MEIOC: variants seen among roughly 807,000 people sequenced by gnomAD.
The protein encoded by MEIOC is meiosis-specific coiled-coil domain-containing protein MEIOC.
In MEIOC, 9 loss-of-function variants were observed where a neutral mutation model predicts 85.3. The observed-to-expected ratio is 0.11, with a 90% CI of 0.06 to 0.18. The LOEUF (loss-of-function observed/expected upper bound fraction) is 0.18. Ranked by LOEUF, MEIOC falls within the 10% of genes least tolerant of loss-of-function variation. The pLI, the probability that MEIOC is intolerant of heterozygous loss-of-function variation, is 1.00. For missense variants in MEIOC, 898 were observed against 1,129.4 expected, an observed-to-expected ratio of 0.80 and a Z score of 2.94; for synonymous variants, 365 against 393.7, an observed-to-expected ratio of 0.93 and a Z score of 0.86.
In MEIOC at chr17:44,667,792, T is replaced by C; in HGVS notation, c.1881T>C (p.Asp627=). Residue 627 remains aspartate, a synonymous_variant, in exon 5 of 8, where the codon GAT becomes GAC. Transcript: ENST00000409122. Reference sequence around the variant, plus strand: ...CTGAGGAAGGTCCAAAGCATTTAGATGGCTTATCACAAAATACATACCAAG... The same window carrying C: ...CTGAGGAAGGTCCAAAGCATTTAGACGGCTTATCACAAAATACATACCAAG... The part of the protein sequence containing the change: ...YDPEEGPKHL[D]GLSQNTYQDL... The C allele has an allele frequency of 6.2e-7, 1 of 1,613,952 alleles. No homozygotes were observed. Among genetic ancestry groups the C allele is most frequent in the Non-Finnish European group, 8.5e-7 (1 of 1,179,864 alleles).
Position 44,674,987 on chromosome 17 carries a change from C to T in MEIOC, c.*791C>T, listed in dbSNP as rs1297629648. 2 of 983,002 alleles carry T rather than the reference C, an allele frequency of 2.0e-6. No individual in the cohort carries two copies. The highest frequency in any genetic ancestry group is 1.8e-5 in the African/African-American group (1 of 57,140). The allele number at this position is 983,002 out of a possible 1,614,324, so 60.9% of individuals were successfully genotyped here. On this transcript the variant is annotated 3_prime_UTR_variant, in exon 8 of 8. Transcript: ENST00000409122. Reference sequence around the variant, plus strand: ...ATTCCCTTTATCTGGATCTTTTAGACTTGATGCACAGTAACTGAAATAATG... The same window carrying T: ...ATTCCCTTTATCTGGATCTTTTAGATTTGATGCACAGTAACTGAAATAATG...
chr17:44,662,286 G>A (rs1310321392), intron 2 of MEIOC, 31 bp from the exon 3 acceptor site: 11 of 1,493,700 alleles, frequency 7.4e-6, no homozygotes, highest in South Asian at 2.6e-5. Context: ...AAGTTTTGAT[G>A]TGTCTGATAA....
In MEIOC at chr17:44,672,083, C is replaced by G. The variant is rs193226677; in HGVS notation, c.2458-1283C>G. Among the ~76,000 whole-genome samples, 20 of 152,150 alleles carry G rather than the reference C, an allele frequency of 1.3e-4. No homozygotes were observed. In the East Asian group the frequency reaches 3.7e-3, roughly 28 times the overall value. ...GCAACCTCTGCCTCGCGGGTTCAAGCGATTTTCCTGCCTCAGCCTCCTGAA... is the reference window on the plus strand; with the variant it reads ...GCAACCTCTGCCTCGCGGGTTCAAGGGATTTTCCTGCCTCAGCCTCCTGAA... On this transcript the variant is annotated intron_variant, in intron 6 of 7. Transcript: ENST00000409122.
At position 44,666,613 on chromosome 17, in the gene MEIOC, A is replaced by G; in HGVS notation, c.702A>G (p.Glu234=). 6.2e-7 allele frequency: 1 copy of G among 1,611,178 alleles called. No individual in the cohort carries two copies. The highest frequency in any genetic ancestry group is 1.1e-5 in the South Asian group (1 of 90,546). The stretch of plus-strand genomic sequence containing the variant: ...GATTTACTGGTTTAGATCTTGAAGA[A>G]CAATGGATGTACCCCTCACGAAGTG... ...HHGFTGLDLE[E]QWMYPSRSDH... The change falls in exon 5 of 8, where the codon GAA becomes GAG. Residue 234 remains glutamate, a synonymous_variant. Coordinates refer to ENST00000409122, the MANE Select transcript of MEIOC (RefSeq NM_001145080.3).
At chr17:44,663,520 T>A (rs747884705) in intron 3 of MEIOC, among the ~76,000 whole-genome samples, 21 of 152,140 alleles carry the variant, frequency 1.4e-4, no homozygotes, top group Non-Finnish European at 2.5e-4. Context: ...ACGTAATACA[T>A]AATTCTACAA....
chr17:44,670,207 G>A (rs925686185), intron 6 of MEIOC: 1 of 135,860 alleles, frequency 7.4e-6, no homozygotes, highest in African/African-American at 2.8e-5. Flanking sequence ...GGGCTACAGT[G>A]AGCCATAACC....
At position 44,667,598 on chromosome 17, in the gene MEIOC, G is replaced by A. The variant is rs754096526; in HGVS notation, c.1687G>A (p.Glu563Lys). 3.7e-6 allele frequency: 6 copies of A among 1,613,668 alleles called. No homozygotes were observed. In the East Asian group the frequency reaches 1.3e-4, roughly 36 times the overall value. ...AAGAATCCAATCTGTCAATCACATA[G>A]AAGGACTAACAAAGCCTGGAGAAGA... ...AERIQSVNHI[E>K]GLTKPGEENL... The change falls in exon 5 of 8, where the codon GAA becomes AAA. Residue 563 changes from glutamate to lysine, a missense_variant. Glu to Lys is a moderately conservative substitution (Grantham distance 56, BLOSUM62 1). Around this residue, in one of 2 missense-constraint regions of MEIOC, gnomAD observed 734 missense variants for 860.1 expected, o/e 0.85. Coordinates refer to ENST00000409122, the MANE Select transcript of MEIOC (RefSeq NM_001145080.3).
Position 44,667,675 on chromosome 17 carries a change from T to C in MEIOC, c.1764T>C (p.Phe588=). Residue 588 remains phenylalanine (F), a synonymous_variant, in exon 5 of 8, where the codon TTT becomes TTC. Coordinates refer to ENST00000409122, the MANE Select transcript of MEIOC (RefSeq NM_001145080.3). ...AAAAAATAAAGCAGCCAAATGGATT[T>C]TGTGATAACTATTCAGCTCAGAAGT... The part of the protein sequence containing the change: ...TDKKIKQPNG[F]CDNYSAQKYG... 6.2e-7 allele frequency: 1 copy of C among 1,613,090 alleles called. No individual in the cohort carries two copies. Among genetic ancestry groups the C allele is most frequent in the Non-Finnish European group, 8.5e-7 (1 of 1,179,520 alleles).
chr17:44,669,762 A>G (rs545868560), intron 6 of MEIOC: 5 of 398,306 alleles, frequency 1.3e-5, no homozygotes, highest in East Asian at 1.0e-4. Flanking sequence ...TGGGAGGCTG[A>G]GGCAGGAGAA....
rs766389167 is a variant in MEIOC, at chr17:44,668,084, A to T, written c.2173A>T (p.Met725Leu). The stretch of plus-strand genomic sequence containing the variant: ...CCATTTGTACCCTTATTTTAATATG[A>T]TGTATGGTGATAATTCTTTTTCTGG... ...LSHLYPYFNM[M>L]YGDNSFSGLM... The change falls in exon 5 of 8, where the codon ATG becomes TTG. Residue 725 changes from methionine to leucine, a missense_variant. Transcript: ENST00000409122. The T allele has an allele frequency of 2.5e-6, 4 of 1,613,364 alleles. No homozygotes were observed. In the Admixed American group the frequency reaches 6.7e-5, roughly 27 times the overall value.
chr17:44,665,326 TAA>T, intron 3 of MEIOC, 56 bp from the exon 4 acceptor site: 3 of 1,123,658 alleles, frequency 2.7e-6, no homozygotes, highest in Non-Finnish European at 3.6e-6. Flanking sequence ...TAAGGTAGGA[TAA>T]GTCTGGAAAG....
In MEIOC at chr17:44,656,992, G is replaced by A; in HGVS notation, c.70-135G>A. ...GAGAATCCCGAGGCTGGAAGCGCGG[G>A]CCCCCACATTCGTGTCCTCTGAGAG... On this transcript the variant is annotated intron_variant, in intron 1 of 7. Transcript: ENST00000409122. 5.8e-6 allele frequency: 6 copies of A among 1,033,560 alleles called. No homozygotes were observed. The South Asian group carries it at 7.4e-5, about 13-fold the overall frequency. The allele number at this position is 1,033,560 out of a possible 1,614,324, so 64.0% of individuals were successfully genotyped here.
Position 44,656,566 on chromosome 17 carries a change from C to G in MEIOC, c.-48C>G, listed in dbSNP as rs1444177713. 4 of 1,378,348 alleles carry G rather than the reference C, an allele frequency of 2.9e-6. No homozygotes were observed. The highest frequency in any genetic ancestry group is 1.6e-5 in the South Asian group (1 of 62,904). 85.4% of individuals were successfully genotyped at this position (1,378,348 alleles called of 1,614,324 possible). On this transcript the variant is annotated 5_prime_UTR_variant, in exon 1 of 8. Transcript: ENST00000409122. ...GCCTGGACGCCCCCCCCATCACCCC[C>G]GTACCCCAGGAGCTGTGCCTAGTCC... is the stretch of plus-strand genomic sequence containing the variant.
Position 44,667,362 on chromosome 17 carries a change from A to AAAATAACAC in MEIOC, c.1452_1460dup (p.Asn485_Thr487dup). On this transcript the variant is annotated inframe_insertion, in exon 5 of 8. Coordinates refer to ENST00000409122, the MANE Select transcript of MEIOC (RefSeq NM_001145080.3). ...CCAACTTGGATGAATGTTCAAACAA[A>AAAATAACAC]AAATAACACTCCTATTCCTTATCGA... 1 of 1,613,930 alleles carries AAAATAACAC rather than the reference A, an allele frequency of 6.2e-7. No homozygotes were observed. Among genetic ancestry groups the AAAATAACAC allele is most frequent in the Admixed American group, 1.7e-5 (1 of 60,030 alleles).
chr17:44,656,814 G>A (rs1257414068), intron 1 of MEIOC, 132 bp downstream of exon 1: 1 of 460,480 alleles, frequency 2.2e-6, no homozygotes, highest in Middle Eastern at 5.9e-4. Flanking sequence ...AGGCCGAACG[G>A]GGCGGGCGGG....
At position 44,662,346 on chromosome 17, in the gene MEIOC, C is replaced by G; in HGVS notation, c.234C>G (p.Thr78=). Reference sequence around the variant, plus strand: ...AAGACAATGTAGACCTAAGGCAGACCTATACTCCATTTTCTTCAACAGAAT... The same window carrying G: ...AAGACAATGTAGACCTAAGGCAGACGTATACTCCATTTTCTTCAACAGAAT... ...QSEDNVDLRQ[T]YTPFSSTEYS... is the part of the protein sequence containing the mutation. Residue 78 remains threonine (T), a synonymous_variant, in exon 3 of 8, where the codon ACC becomes ACG. Transcript: ENST00000409122. The G allele has an allele frequency of 1.3e-6, 2 of 1,549,444 alleles. No individual in the cohort carries two copies. Among genetic ancestry groups the G allele is most frequent in the South Asian group, 1.2e-5 (1 of 83,686 alleles).
In MEIOC at chr17:44,674,882, GTA is replaced by G; in HGVS notation, c.*690_*691del. On this transcript the variant is annotated 3_prime_UTR_variant, in exon 8 of 8. Coordinates refer to ENST00000409122, the MANE Select transcript of MEIOC (RefSeq NM_001145080.3). ...TATAAAACCTATTCAGATCATTTGT[GTA>G]TATTCTTTAAATTTTAATTATATTA... The G allele has an allele frequency of 7.2e-6, 7 of 971,960 alleles. No individual in the cohort carries two copies. The highest frequency in any genetic ancestry group is 8.6e-6 in the Non-Finnish European group (7 of 817,778). 60.2% of individuals were successfully genotyped at this position (971,960 alleles called of 1,614,324 possible).
At chr17:44,663,560 T>A (rs1367880384) in intron 3 of MEIOC, among the ~76,000 whole-genome samples, 8 of 152,192 alleles carry the variant, frequency 5.3e-5, no homozygotes, top group Admixed American at 5.2e-4. Flanking sequence ...AGTTGATACA[T>A]GCTATTGAAA....
rs776796076 is a variant in MEIOC at position 44,666,619 on chromosome 17, G to C, written c.708G>C (p.Trp236Cys). The C allele has an allele frequency of 2.5e-6, 4 of 1,611,134 alleles. No homozygotes were observed. The highest frequency in any genetic ancestry group is 3.4e-6 in the Non-Finnish European group (4 of 1,178,480). Residue 236 changes from tryptophan (W) to cysteine (C), a missense_variant, in exon 5 of 8, where the codon TGG becomes TGC. Around this residue, in one of 2 missense-constraint regions of MEIOC, gnomAD observed 734 missense variants for 860.1 expected, o/e 0.85. Transcript: ENST00000409122. ...GFTGLDLEEQ[W>C]MYPSRSDHSN... ...CTGGTTTAGATCTTGAAGAACAATGGATGTACCCCTCACGAAGTGATCATT... is the reference window on the plus strand; with the variant it reads ...CTGGTTTAGATCTTGAAGAACAATGCATGTACCCCTCACGAAGTGATCATT...
Sources: gnomAD v4.1 joint callset for allele counts (sites outside exome capture counted in the v4.1 genomes callset) on GRCh38, gnomAD v4.1.1 for gene constraint, gnomAD v4.1.1 regional missense constraint, MANE v1.5 for transcripts, NCBI Gene and HGNC (gene_info 2026-07-23, HGNC 2026-07-21) for gene names.